DENND2D: variants seen among roughly 807,000 people sequenced by gnomAD.
DENND2D encodes the protein DENN domain containing 2D.
Under a neutral mutation model 59.8 loss-of-function variants are expected in DENND2D, and 37 were observed. That is an observed-to-expected ratio of 0.62 (90% CI 0.48 to 0.81). The LOEUF is 0.81. DENND2D is among the 40% of genes least tolerant of loss of function. DENND2D has a pLI of 0.00. For missense variants in DENND2D, 525 were observed against 579.7 expected (o/e 0.91, Z 0.97); for synonymous variants, 219 against 211.3 (o/e 1.04, Z -0.31).
intron 6 of DENND2D, 76 bp from the exon 7 acceptor site, chr1:111,194,802 C>T (rs1658070904): frequency 8.5e-6 from 13 of 1,521,564 alleles, no homozygotes; most frequent in Non-Finnish European, 1.2e-5. Context: ...TAGGCCTCTA[C>T]CAGCCTCTAT....
At chr1:111,198,821 T>C in intron 2 of DENND2D, 79 bp from the exon 3 acceptor site, 2 of 1,465,406 alleles carry the variant, frequency 1.4e-6, no homozygotes, top group Non-Finnish European at 1.9e-6. Context: ...GCTGGTGGGC[T>C]TCCTTTGAGG....
intron 2 of DENND2D, 121 bp from the exon 3 acceptor site, chr1:111,198,863 C>T: frequency 1.1e-6 from 1 of 947,380 alleles, no homozygotes; most frequent in Admixed American, 2.1e-5. Context: ...AGCTTCTCCA[C>T]TAGCATAGGG....
intron 8 of DENND2D, among the ~76,000 whole-genome samples, chr1:111,190,240 A>C (rs982885868): frequency 1.6e-4 from 24 of 151,632 alleles, no homozygotes; most frequent in African/African-American, 5.6e-4. Flanking sequence ...AAATGAGCCC[A>C]GGGTCAACAG....
At chr1:111,200,733 C>T, upstream of DENND2D, 1 of 1,250,854 alleles carries the variant, frequency 8.0e-7, no homozygotes, top group Non-Finnish European at 1.0e-6. Flanking sequence ...CTCCCAAGAG[C>T]CCCAGGGTGT....
chr1:111,201,879 A>C (rs1413613106), upstream of DENND2D, among the ~76,000 whole-genome samples: 2 of 152,248 alleles, frequency 1.3e-5, no homozygotes, highest in African/African-American at 4.8e-5. Flanking sequence ...GGGTGAGAAG[A>C]GCGAACTAGA....
intron 6 of DENND2D, 151 bp from the exon 7 acceptor site, chr1:111,194,877 C>T: frequency 1.2e-6 from 1 of 856,026 alleles, no homozygotes; most frequent in Non-Finnish European, 1.8e-6. Context: ...GGCTGGAGGA[C>T]AGCACTGATG....
At chr1:111,189,850 A>G (rs2101450422) in intron 8 of DENND2D, among the ~76,000 whole-genome samples, 1 of 152,216 alleles carries the variant, frequency 6.6e-6, no homozygotes, top group South Asian at 2.1e-4. Context: ...TGCTTGCAAC[A>G]TCTTATGTAC....
At position 111,191,687 on chromosome 1, in the gene DENND2D, TA is replaced by T. The variant is rs537119477; in HGVS notation, c.972+452del. 8.7e-4 allele frequency among the ~76,000 whole-genome samples: 133 copies of T among 152,294 alleles called. 1 individual carries two copies. The highest frequency in any genetic ancestry group is 3.4e-3 in the Middle Eastern group (1 of 294). ...CAAAAATCTGCATTTTTAAGACTCATAGTTTGCCAGAGGGCCATGTTAGCTC... is the reference window on the plus strand; with the variant it reads ...CAAAAATCTGCATTTTTAAGACTCATGTTTGCCAGAGGGCCATGTTAGCTC... On this transcript the variant is annotated intron_variant, in intron 8 of 11. Transcript: ENST00000357640.
At chr1:111,189,989 CCT>C (rs372045414) in intron 8 of DENND2D, among the ~76,000 whole-genome samples, 32 of 151,880 alleles carry the variant, frequency 2.1e-4, no homozygotes, top group African/African-American at 7.7e-4. Flanking sequence ...ACGGTGAAAC[CCT>C]GTCTCTACTA....
At position 111,186,354 on chromosome 1, in the gene DENND2D, GGT is replaced by G. The variant is rs1557946976; in HGVS notation, c.*1249_*1250del. ...GAAGAATAGTAGTGTAGCTAAGCAC[GGT>G]GTGTGGACAGTGGGACATCTGCCAC... On this transcript the variant is annotated 3_prime_UTR_variant, in exon 12 of 12. Transcript: ENST00000357640. 1.3e-5 allele frequency among the ~76,000 whole-genome samples: 2 copies of G among 152,152 alleles called. No individual in the cohort carries two copies. The highest frequency in any genetic ancestry group is 4.8e-5 in the African/African-American group (2 of 41,430).
In DENND2D at chr1:111,198,683, G is replaced by T. The variant is rs750733830; in HGVS notation, c.303C>A (p.Pro101=). Residue 101 remains proline, a synonymous_variant, in exon 3 of 12, where the codon CCC becomes CCA. Coordinates refer to ENST00000357640, the MANE Select transcript of DENND2D (RefSeq NM_024901.5). ...CATTCCCATCTGGGAAGCAGAACAA[G>T]GGGATAGCTTTGAGCAGCCGCTCCT... ...EEEERLLKAI[P]LFCFPDGNEW... The T allele has an allele frequency of 6.2e-7, 1 of 1,614,062 alleles. No individual in the cohort carries two copies. Among genetic ancestry groups the T allele is most frequent in the African/African-American group, 1.3e-5 (1 of 74,922 alleles).
At chr1:111,199,822 T>G in intron 1 of DENND2D, 24 bp from the exon 2 acceptor site, 1 of 1,603,060 alleles carries the variant, frequency 6.2e-7, no homozygotes, top group Non-Finnish European at 8.5e-7. Context: ...AGAGCCCATT[T>G]AGTATAATCT....
At chr1:111,194,838 G>C in intron 6 of DENND2D, 112 bp from the exon 7 acceptor site, 1 of 1,226,710 alleles carries the variant, frequency 8.2e-7, no homozygotes, top group Non-Finnish European at 1.1e-6. Flanking sequence ...GAGTGAATCT[G>C]GCCCTGTCTC....
In DENND2D at chr1:111,197,166, C is replaced by T. The variant is rs78068836; in HGVS notation, c.504+10G>A. 54,204 of 1,554,258 alleles carry T rather than the reference C, an allele frequency of 0.035. 1,081 individuals carry two copies. Among genetic ancestry groups the T allele is most frequent in the South Asian group, 0.046 (4,008 of 86,710 alleles). On this transcript the variant is annotated intron_variant, in intron 5 of 11. Coordinates refer to ENST00000357640, the MANE Select transcript of DENND2D (RefSeq NM_024901.5). The stretch of plus-strand genomic sequence containing the variant: ...GAATATGGGCAGGCCCTGAGGAATC[C>T]TATCCCTACCTTGGAGAACAAGCCG...
chr1:111,196,075 CGGGAGGCACGGCTCAAA>C lies in DENND2D; in HGVS notation c.505-36_505-20del. On this transcript the variant is annotated intron_variant, in intron 5 of 11. Transcript: ENST00000357640. ...CCAGGATCTGCAGGGAAAAGAACCA[CGGGAGGCACGGCTCAAA>C]GGGACACTACCAGGCAGGTGGAAGA... is the stretch of plus-strand genomic sequence containing the variant. The C allele has an allele frequency of 6.3e-7, 1 of 1,591,218 alleles. No homozygotes were observed. Among genetic ancestry groups the C allele is most frequent in the Non-Finnish European group, 8.6e-7 (1 of 1,168,204 alleles).
In DENND2D at chr1:111,197,460, T is replaced by G. The variant is rs600430; in HGVS notation, c.427-207A>C. 650,613 of 1,424,084 alleles carry G rather than the reference T, an allele frequency of 0.46. 150,220 individuals carry two copies. Among genetic ancestry groups the G allele is most frequent in the East Asian group, 0.57 (22,443 of 39,352 alleles). 88.2% of individuals were successfully genotyped at this position (1,424,084 alleles called of 1,614,324 possible). A position where few individuals can be genotyped will look rare whatever the true frequency, so the allele number is the denominator to read the frequency against. ...AGTTGGTGGGCAAGCGCTGCCACCT[T>G]CAGTGCCAGCACAATCTGGGGTCAG... On this transcript the variant is annotated intron_variant, in intron 4 of 11. Transcript: ENST00000357640.
rs745595326 is a variant in DENND2D at position 111,199,692 on chromosome 1, A to G, written c.174T>C (p.Leu58=). Residue 58 remains leucine, a synonymous_variant, in exon 2 of 12, where the codon CTT becomes CTC. Coordinates refer to ENST00000357640, the MANE Select transcript of DENND2D (RefSeq NM_024901.5). ...AACGCTTCTTTTTGAGAGAAACCAC[A>G]AGAAGGTATTCAAAGAAGTGCTGCC... ...AGGQHFFEYL[L]VVSLKKKRSE... is the part of the protein sequence containing the mutation. 4 of 1,614,142 alleles carry G rather than the reference A, an allele frequency of 2.5e-6. No homozygotes were observed. The Admixed American group carries it at 5.0e-5, about 20-fold the overall frequency.
Position 111,197,217 on chromosome 1 carries a change from A to C in DENND2D, c.463T>G (p.Cys155Gly). ...GPGPRLPKVY[C>G]IISCIGCFGL... is the part of the protein sequence containing the mutation. ...AAGCAGCCGATGCAGCTGATGATGC[A>C]GTACACTTTGGGAAGGCGAGGGCCA... Residue 155 changes from cysteine (C) to glycine (G), a missense_variant, in exon 5 of 12, where the codon TGC becomes GGC. Coordinates refer to ENST00000357640, the MANE Select transcript of DENND2D (RefSeq NM_024901.5). 6.2e-7 allele frequency: 1 copy of C among 1,613,948 alleles called. No individual in the cohort carries two copies. Among genetic ancestry groups the C allele is most frequent in the Non-Finnish European group, 8.5e-7 (1 of 1,179,990 alleles).
chr1:111,191,699 G>C (rs191912789), intron 8 of DENND2D, among the ~76,000 whole-genome samples: 3 of 152,210 alleles, frequency 2.0e-5, no homozygotes, highest in Non-Finnish European at 4.4e-5. Context: ...GTTTGCCAGA[G>C]GGCCATGTTA....
Sources: allele counts gnomAD v4.1 joint callset (sites outside exome capture counted in the v4.1 genomes callset), GRCh38; gene constraint gnomAD v4.1.1; transcripts MANE v1.5; gene names NCBI Gene and HGNC (gene_info 2026-07-23, HGNC 2026-07-21).